Variants in DSCAM observed in about 807,000 individuals in gnomAD.
DSCAM encodes cell adhesion molecule DSCAM.
DSCAM carries 47 observed loss-of-function variants against 217.7 expected under a neutral mutation model. That is an observed-to-expected ratio of 0.22 (90% CI 0.17 to 0.28). DSCAM has a LOEUF of 0.28. Among genes scored for constraint, DSCAM ranks in the 10% least tolerant of loss-of-function variants. The pLI is 1.00. For missense variants in DSCAM, 2,080 were observed against 2,618.3 expected (o/e 0.79, Z 4.49); for synonymous variants, 1,056 against 1,015.3 (o/e 1.04, Z -0.76).
At chr21:40,476,243 G>C (rs1421757426) in intron 3 of DSCAM, among the ~76,000 whole-genome samples, 3 of 152,176 alleles carry the variant, frequency 2.0e-5, no homozygotes, top group Non-Finnish European at 4.4e-5. Flanking sequence ...ATTTTAGGGA[G>C]ATAATATGGC....
rs191185845 is a variant in DSCAM, at chr21:40,366,126, T to C, written c.655+2973A>G. 2.0e-5 allele frequency among the ~76,000 whole-genome samples: 3 copies of C among 152,310 alleles called. No homozygotes were observed. The East Asian group carries it at 5.8e-4, about 29-fold the overall frequency. Reference sequence around the variant, plus strand: ...ATTAGACTATGTTGCATGTTGACCATTCTGGGTCCATTTTTCCAGGTAGGG... The same window carrying C: ...ATTAGACTATGTTGCATGTTGACCACTCTGGGTCCATTTTTCCAGGTAGGG... On this transcript the variant is annotated intron_variant, in intron 4 of 32. Coordinates refer to ENST00000400454, the MANE Select transcript of DSCAM (RefSeq NM_001389.5).
At chr21:40,684,872 C>T (rs989503899) in intron 3 of DSCAM, among the ~76,000 whole-genome samples, 1 of 152,088 alleles carries the variant, frequency 6.6e-6, no homozygotes, top group African/African-American at 2.4e-5. Context: ...TGCTTGTGTC[C>T]AAATTACATC....
chr21:40,762,523 T>TACC lies in DSCAM; in HGVS notation c.44-53755_44-53753dup, dbSNP rs551370812. Among the ~76,000 whole-genome samples the TACC allele has an allele frequency of 2.4e-4, 36 of 152,340 alleles. No individual in the cohort carries two copies. The South Asian group carries it at 7.0e-3, about 30-fold the overall frequency. On this transcript the variant is annotated intron_variant, in intron 1 of 32. Transcript: ENST00000400454. ...ACCAGACGGATTCACAGCCAAATTCTACCAGAGGTACAAAGAGGAGCTGAT... is the reference window on the plus strand; with the variant it reads ...ACCAGACGGATTCACAGCCAAATTCTACCACCAGAGGTACAAAGAGGAGCTGAT...
At chr21:40,486,163 T>C (rs2076026506) in intron 3 of DSCAM, among the ~76,000 whole-genome samples, 1 of 152,186 alleles carries the variant, frequency 6.6e-6, no homozygotes, top group Non-Finnish European at 1.5e-5. Context: ...CCCTATCCAC[T>C]CAGTTGCTAG....
intron 11 of DSCAM, among the ~76,000 whole-genome samples, chr21:40,214,861 G>A (rs1417168532): frequency 6.6e-6 from 1 of 151,760 alleles, no homozygotes; most frequent in Non-Finnish European, 1.5e-5. Context: ...AAACTCCAGA[G>A]TTCCTAAGTT....
intron 18 of DSCAM, among the ~76,000 whole-genome samples, chr21:40,139,374 C>T (rs573218672): frequency 2.0e-5 from 3 of 152,034 alleles, no homozygotes; most frequent in Admixed American, 1.3e-4. Flanking sequence ...TATATTGGTT[C>T]GGTCTGGAAG....
chr21:40,439,157 C>G (rs1442022165), intron 3 of DSCAM, among the ~76,000 whole-genome samples: 1 of 152,148 alleles, frequency 6.6e-6, no homozygotes, highest in East Asian at 1.9e-4. Context: ...ATATTACCTC[C>G]TGTATCATGG....
chr21:40,712,468 T>TC (rs2090791683), intron 1 of DSCAM, among the ~76,000 whole-genome samples: 1 of 41,634 alleles, frequency 2.4e-5, no homozygotes, highest in African/African-American at 1.3e-4. Flanking sequence ...AGACTCCGTC[T>TC]CAAAAAAAAA....
At chr21:40,203,350 C>T (rs750238587) in intron 11 of DSCAM, among the ~76,000 whole-genome samples, 1 of 152,216 alleles carries the variant, frequency 6.6e-6, no homozygotes, top group Non-Finnish European at 1.5e-5. Context: ...TATTATACAG[C>T]CCTGAACCAG....
At chr21:40,405,761 C>G (rs983231924) in intron 3 of DSCAM, among the ~76,000 whole-genome samples, 5 of 152,124 alleles carry the variant, frequency 3.3e-5, no homozygotes, top group African/African-American at 1.2e-4. Flanking sequence ...TTTTGAAAGG[C>G]CAAGGCAGGT....
chr21:40,342,733 T>G (rs755672004), intron 6 of DSCAM, among the ~76,000 whole-genome samples: 4 of 135,664 alleles, frequency 2.9e-5, no homozygotes, highest in Non-Finnish European at 3.1e-5. Flanking sequence ...GGACTGCAGG[T>G]GCACACCACG....
At chr21:40,399,666 G>A (rs2075215908) in intron 3 of DSCAM, among the ~76,000 whole-genome samples, 1 of 152,156 alleles carries the variant, frequency 6.6e-6, no homozygotes, top group African/African-American at 2.4e-5. Context: ...GCCTAGCAAT[G>A]TGCTCAGCAA....
chr21:40,718,833 A>C (rs1196115535), intron 1 of DSCAM, among the ~76,000 whole-genome samples: 1 of 152,204 alleles, frequency 6.6e-6, no homozygotes, highest in African/African-American at 2.4e-5. Flanking sequence ...TCCAACAAAA[A>C]TGGACAAAAG....
intron 1 of DSCAM, among the ~76,000 whole-genome samples, chr21:40,709,755 T>C (rs1266865765): frequency 6.6e-6 from 1 of 152,166 alleles, no homozygotes; most frequent in Non-Finnish European, 1.5e-5. Context: ...GGCATTTGGG[T>C]TGGTTCCAAG....
intron 3 of DSCAM, among the ~76,000 whole-genome samples, chr21:40,634,734 T>G (rs960038283): frequency 6.6e-6 from 1 of 152,198 alleles, no homozygotes; most frequent in Non-Finnish European, 1.5e-5. Context: ...ATCTACAAGG[T>G]TGTCTTCAGC....
chr21:40,598,510 T>TTG (rs1234336868), intron 3 of DSCAM, among the ~76,000 whole-genome samples: 9 of 138,810 alleles, frequency 6.5e-5, no homozygotes, highest in African/African-American at 2.5e-4. Flanking sequence ...TTTTTTTTTT[T>TTG]TTTTTTTTTT....
chr21:40,062,145 G>A (rs1410324609), intron 28 of DSCAM, among the ~76,000 whole-genome samples: 3 of 152,224 alleles, frequency 2.0e-5, no homozygotes, highest in Non-Finnish European at 4.4e-5. Flanking sequence ...GTGGAAAATA[G>A]AGTTTGGGGA....
chr21:40,154,156 TCTC>T (rs1470147275), intron 16 of DSCAM, among the ~76,000 whole-genome samples: 4 of 151,540 alleles, frequency 2.6e-5, no homozygotes, highest in African/African-American at 9.7e-5. Context: ...TCCTCTCCTC[TCTC>T]CTTTCTTTCC....
At chr21:40,409,426 C>T (rs1425183346) in intron 3 of DSCAM, among the ~76,000 whole-genome samples, 1 of 152,176 alleles carries the variant, frequency 6.6e-6, no homozygotes, top group East Asian at 1.9e-4. Context: ...GATGACCCAA[C>T]CAGCCTGATG....
Sources: gnomAD v4.1 joint callset for allele counts (sites outside exome capture counted in the v4.1 genomes callset) on GRCh38, gnomAD v4.1.1 for gene constraint, MANE v1.5 for transcripts, NCBI Gene and HGNC (gene_info 2026-07-23, HGNC 2026-07-21) for gene names.